DYM: variants seen among roughly 807,000 people sequenced by gnomAD.
The protein encoded by DYM is dymeclin.
DYM carries 78 observed loss-of-function variants against 93.1 expected under a neutral mutation model. The ratio of observed to expected loss-of-function variants is 0.84; its 90% CI spans 0.70 to 1.01. The LOEUF (loss-of-function observed/expected upper bound fraction) is 1.01, where lower values mean the gene tolerates loss of function less well. Ranked by LOEUF, DYM falls within the 50% of genes least tolerant of loss-of-function variation. DYM has a pLI of 0.00. For missense variants in DYM, 789 were observed against 845.0 expected, an observed-to-expected ratio of 0.93 and a Z score of 0.82; for synonymous variants, 321 against 319.7, an observed-to-expected ratio of 1.00 and a Z score of -0.04.
At chr18:49,254,530 A>T (rs1002882056) in intron 13 of DYM, among the ~76,000 whole-genome samples, 1 of 152,082 alleles carries the variant, frequency 6.6e-6, no homozygotes, top group Non-Finnish European at 1.5e-5. Context: ...CAAATCACAA[A>T]TCTAAACTAT....
chr18:49,079,611 C>T (rs1447726103), intron 17 of DYM, among the ~76,000 whole-genome samples: 29 of 151,374 alleles, frequency 1.9e-4, no homozygotes, highest in African/African-American at 6.1e-4. Flanking sequence ...TGACTCTTAA[C>T]GAGCATGCTG....
At chr18:49,318,828 TCTCA>T (rs1260654901) in intron 8 of DYM, among the ~76,000 whole-genome samples, 2 of 134,778 alleles carry the variant, frequency 1.5e-5, no homozygotes, top group East Asian at 2.2e-4. Flanking sequence ...TGAGACAGAG[TCTCA>T]CTCTGTCGCC....
At chr18:49,414,794 C>T (rs1031958868) in intron 2 of DYM, among the ~76,000 whole-genome samples, 4 of 152,162 alleles carry the variant, frequency 2.6e-5, no homozygotes, top group African/African-American at 9.7e-5. Flanking sequence ...CGCTTTTCTT[C>T]CTTACACTTG....
In DYM at chr18:49,440,455, T is replaced by G. The variant is rs1379229570; in HGVS notation, c.-53-10008A>C. ...AGGAGTAAAGTGACTATATATTATA[T>G]ATTTATATAATATATGACTATATAT... On this transcript the variant is annotated intron_variant, in intron 1 of 17. Coordinates refer to ENST00000675505, the MANE Select transcript of DYM (RefSeq NM_001353214.3). Among the ~76,000 whole-genome samples, 2 of 106,044 alleles carry G rather than the reference T, an allele frequency of 1.9e-5. 1 individual carries two copies. The highest frequency in any genetic ancestry group is 6.6e-4 in the East Asian group (2 of 3,050). 69.6% of individuals were successfully genotyped at this position (106,044 alleles called of 152,430 possible).
At chr18:49,421,446 A>G (rs1455592989) in intron 2 of DYM, among the ~76,000 whole-genome samples, 1 of 152,158 alleles carries the variant, frequency 6.6e-6, no homozygotes, top group Non-Finnish European at 1.5e-5. Context: ...CCTGACTGTT[A>G]GAAGGAAAAC....
intron 16 of DYM, among the ~76,000 whole-genome samples, chr18:49,108,516 C>G (rs2081090409): frequency 6.6e-6 from 1 of 152,222 alleles, no homozygotes; most frequent in African/African-American, 2.4e-5. Flanking sequence ...GAGCTGTAGA[C>G]TGGAGCTGTT....
chr18:49,282,032 T>C lies in DYM; in HGVS notation c.1090A>G (p.Thr364Ala), dbSNP rs774590258. 3 of 1,613,918 alleles carry C rather than the reference T, an allele frequency of 1.9e-6. No individual in the cohort carries two copies. Among genetic ancestry groups the C allele is most frequent in the African/African-American group, 1.3e-5 (1 of 74,926 alleles). ...TLLHQNSNIR[T>A]YMLARTDMEN... The stretch of plus-strand genomic sequence containing the variant: ...ATATCTGTGCGAGCCAACATGTATG[T>C]TCTAATATTACTATTTTGATGGAGC... Residue 364 changes from threonine to alanine, a missense_variant, in exon 10 of 18, where the codon ACA becomes GCA. Thr to Ala is a moderately conservative substitution (Grantham distance 58, BLOSUM62 0). This residue lies in a region of DYM where 450 missense variants were observed against 436.2 expected (regional missense o/e 1.03). Coordinates refer to ENST00000675505, the MANE Select transcript of DYM (RefSeq NM_001353214.3).
chr18:49,378,871 A>G (rs1176422293), intron 4 of DYM, among the ~76,000 whole-genome samples, 171 bp from the exon 5 acceptor site: 1 of 152,136 alleles, frequency 6.6e-6, no homozygotes, highest in Non-Finnish European at 1.5e-5. Context: ...TGTACCAGTG[A>G]TATTATGTTT....
intron 2 of DYM, among the ~76,000 whole-genome samples, chr18:49,427,881 C>T (rs1214668922): frequency 1.3e-5 from 2 of 152,104 alleles, no homozygotes; most frequent in Admixed American, 6.6e-5. Flanking sequence ...GCCAGGTGTT[C>T]GTTCAAGACC....
chr18:49,187,214 G>A (rs1376201385), intron 14 of DYM, among the ~76,000 whole-genome samples: 1 of 152,028 alleles, frequency 6.6e-6, no homozygotes, highest in Non-Finnish European at 1.5e-5. Context: ...CACTGCGCCC[G>A]GCCGCTGCTG....
intron 8 of DYM, among the ~76,000 whole-genome samples, chr18:49,298,576 C>T (rs1470460752): frequency 2.9e-5 from 3 of 104,322 alleles, no homozygotes; most frequent in Non-Finnish European, 4.2e-5. Flanking sequence ...AGCGAAACTC[C>T]GTCTCAAAAA....
chr18:49,421,172 G>C (rs889537047), intron 2 of DYM, among the ~76,000 whole-genome samples: 3 of 152,184 alleles, frequency 2.0e-5, no homozygotes, highest in African/African-American at 7.2e-5. Context: ...CACGGAGTTT[G>C]AGATCTGAGA....
intron 10 of DYM, among the ~76,000 whole-genome samples, chr18:49,280,411 T>C (rs2094941109): frequency 1.3e-5 from 2 of 152,190 alleles, no homozygotes; most frequent in South Asian, 4.1e-4. Flanking sequence ...AGTTGAAACA[T>C]CATTTTCCTT....
At chr18:49,293,767 C>T (rs1045928532) in intron 8 of DYM, among the ~76,000 whole-genome samples, 5 of 152,084 alleles carry the variant, frequency 3.3e-5, no homozygotes, top group Admixed American at 6.5e-5. Flanking sequence ...CTGTAGGTTG[C>T]CTGTTCACTT....
intron 13 of DYM, 51 bp downstream of exon 13, chr18:49,256,959 T>G: frequency 1.4e-6 from 2 of 1,478,678 alleles, no homozygotes. Flanking sequence ...GTATCCATCT[T>G]AATAGCTCAG....
intron 13 of DYM, among the ~76,000 whole-genome samples, chr18:49,230,617 T>C (rs1340096862): frequency 6.6e-6 from 1 of 152,192 alleles, no homozygotes; most frequent in East Asian, 1.9e-4. Flanking sequence ...CACATCAATC[T>C]GTATATTGGC....
At chr18:49,440,354 G>GTATATGATATATAATATAGCATATTA (rs1443313174) in intron 1 of DYM, among the ~76,000 whole-genome samples, 6,256 of 115,180 alleles carry the variant, frequency 0.054, 746 homozygotes, top group East Asian at 0.17. Context: ...ATATAATATA[G>GTATATGATATATAATATAGCATATTA]TATATGATAT....
intron 13 of DYM, among the ~76,000 whole-genome samples, chr18:49,227,615 C>T (rs1468588928): frequency 6.6e-6 from 1 of 152,138 alleles, no homozygotes; most frequent in Non-Finnish European, 1.5e-5. Flanking sequence ...AAACCCACAT[C>T]TGTGAGCTGG....
chr18:49,228,474 A>C (rs1175579199), intron 13 of DYM, among the ~76,000 whole-genome samples: 3 of 152,212 alleles, frequency 2.0e-5, no homozygotes, highest in Non-Finnish European at 4.4e-5. Flanking sequence ...GGAAGTGAGA[A>C]AAATTCAATC....
Sources: allele counts gnomAD v4.1 joint callset (sites outside exome capture counted in the v4.1 genomes callset), GRCh38; gene constraint gnomAD v4.1.1; regional missense constraint gnomAD v4.1.1; transcripts MANE v1.5; gene names NCBI Gene and HGNC (gene_info 2026-07-23, HGNC 2026-07-21).